Variants in RFX4 observed in about 807,000 individuals in gnomAD.
RFX4 encodes transcription factor RFX4.
In RFX4, 10 loss-of-function variants were observed where a neutral mutation model predicts 95.0. The observed-to-expected ratio is 0.11, with a 90% CI of 0.06 to 0.18. The LOEUF is 0.18. RFX4 is among the 10% of genes least tolerant of loss of function. The probability of loss-of-function intolerance (pLI) is 1.00; values close to 1 mark genes in which losing one functional copy is unlikely to be tolerated. For missense variants in RFX4, 640 were observed against 922.0 expected, an observed-to-expected ratio of 0.69 and a Z score of 3.96; for synonymous variants, 321 against 340.7, an observed-to-expected ratio of 0.94 and a Z score of 0.64.
chr12:106,711,632 T>G, intron 10 of RFX4, 121 bp downstream of exon 10: 1 of 755,372 alleles, frequency 1.3e-6, no homozygotes, highest in Non-Finnish European at 2.3e-6. Context: ...TCTATTATTT[T>G]TTAATTTCTA....
In RFX4 at chr12:106,593,154, T is replaced by C. The variant is rs543156822; in HGVS notation, c.43+9791T>C. On this transcript the variant is annotated intron_variant, in intron 1 of 17. Transcript: ENST00000392842. ...ATTGTGCCTCGGAGCAATCAATAAT[T>C]ATTAGTAGAGAGGTGAAAATGGACA... is the stretch of plus-strand genomic sequence containing the variant. Among the ~76,000 whole-genome samples the C allele has an allele frequency of 5.9e-5, 9 of 152,332 alleles. No individual in the cohort carries two copies. In the East Asian group the frequency reaches 1.7e-3, roughly 29 times the overall value.
chr12:106,717,332 T>G (rs976840871), intron 11 of RFX4, among the ~76,000 whole-genome samples: 1 of 152,226 alleles, frequency 6.6e-6, no homozygotes, highest in Non-Finnish European at 1.5e-5. Flanking sequence ...CCTCAGCTCC[T>G]TTCATGAGGG....
chr12:106,719,592 C>T lies in RFX4; in HGVS notation c.1139-368C>T, dbSNP rs141085234. Among the ~76,000 whole-genome samples the T allele has an allele frequency of 8.8e-4, 134 of 151,972 alleles. 1 individual carries two copies. Among genetic ancestry groups the T allele is most frequent in the African/African-American group, 2.9e-3 (120 of 41,424 alleles). On this transcript the variant is annotated intron_variant, in intron 11 of 17. Transcript: ENST00000392842. ...TGCAGAGGAGGGGTGATCAGTTCTG[C>T]GGGCAAGGGGCATGGAAGGTTAAAG...
chr12:106,626,765 T>C (rs1435987334), intron 2 of RFX4, among the ~76,000 whole-genome samples: 1 of 152,148 alleles, frequency 6.6e-6, no homozygotes, highest in Non-Finnish European at 1.5e-5. Context: ...ATGGGATTCT[T>C]TGGGATTCCT....
chr12:106,592,374 G>A (rs2039561036), intron 1 of RFX4, among the ~76,000 whole-genome samples: 1 of 151,982 alleles, frequency 6.6e-6, no homozygotes, highest in African/African-American at 2.4e-5. Flanking sequence ...CATTTTATAT[G>A]CCCCTGTTTG....
chr12:106,645,808 G>C (rs1409112319), intron 3 of RFX4: 1 of 822,890 alleles, frequency 1.2e-6, no homozygotes, highest in African/African-American at 1.8e-5. Flanking sequence ...TTCATAATGT[G>C]AGTTAGGTAA....
At chr12:106,725,059 A>G (rs918110208) in intron 13 of RFX4, among the ~76,000 whole-genome samples, 5 of 151,978 alleles carry the variant, frequency 3.3e-5, no homozygotes. Flanking sequence ...ACAAGAAACA[A>G]CAATGTTCTA....
intron 15 of RFX4, among the ~76,000 whole-genome samples, chr12:106,741,769 T>C (rs1013695799): frequency 6.6e-6 from 1 of 152,134 alleles, no homozygotes; most frequent in South Asian, 2.1e-4. Flanking sequence ...GGGACCGGTT[T>C]TGTGGAAGAC....
At chr12:106,708,252 C>T (rs1241352902) in intron 8 of RFX4, among the ~76,000 whole-genome samples, 1 of 151,928 alleles carries the variant, frequency 6.6e-6, no homozygotes, top group Non-Finnish European at 1.5e-5. Flanking sequence ...GAGGAAGGAT[C>T]GCTCATGGAT....
At chr12:106,686,149 A>T (rs2041639515) in intron 5 of RFX4, among the ~76,000 whole-genome samples, 1 of 152,340 alleles carries the variant, frequency 6.6e-6, no homozygotes, top group East Asian at 1.9e-4. Context: ...GCGGTGGCTC[A>T]TGCCTGTAAT....
chr12:106,710,703 C>G (rs2042177126), intron 9 of RFX4, among the ~76,000 whole-genome samples: 1 of 152,190 alleles, frequency 6.6e-6, no homozygotes, highest in Admixed American at 6.5e-5. Flanking sequence ...GGAAGCTGTT[C>G]TTCCCAGGGA....
chr12:106,599,620 A>C (rs1427284944), intron 1 of RFX4, among the ~76,000 whole-genome samples: 1 of 152,116 alleles, frequency 6.6e-6, no homozygotes, highest in African/African-American at 2.4e-5. Context: ...TGAGGAGGAG[A>C]CATAGAGCCA....
chr12:106,700,180 T>C (rs1282245971), intron 8 of RFX4, among the ~76,000 whole-genome samples: 1 of 151,854 alleles, frequency 6.6e-6, no homozygotes, highest in Non-Finnish European at 1.5e-5. Context: ...TACAGGCATG[T>C]GCCACTAAGC....
chr12:106,687,212 A>T (rs1346944351), intron 6 of RFX4, 115 bp downstream of exon 6: 8 of 774,906 alleles, frequency 1.0e-5, no homozygotes, highest in Non-Finnish European at 1.7e-5. Flanking sequence ...ACACACACAC[A>T]CACACACACA....
intron 1 of RFX4, among the ~76,000 whole-genome samples, chr12:106,587,742 T>A (rs1211816954): frequency 6.6e-6 from 1 of 152,162 alleles, no homozygotes; most frequent in East Asian, 1.9e-4. Context: ...CCACGACCCG[T>A]GGGTCGCCCA....
At chr12:106,585,860 G>C (rs566144225) in intron 1 of RFX4, 2 of 152,256 alleles carry the variant, frequency 1.3e-5, no homozygotes, top group African/African-American at 4.8e-5. Context: ...AAATCCCCGC[G>C]AAGTGCCTCG....
chr12:106,625,643 C>T (rs961294422), intron 2 of RFX4, among the ~76,000 whole-genome samples: 6 of 152,116 alleles, frequency 3.9e-5, no homozygotes, highest in Non-Finnish European at 5.9e-5. Flanking sequence ...ATGGGTAGAA[C>T]AGAAATTTCT....
At chr12:106,690,890 C>T (rs2041766666) in intron 7 of RFX4, among the ~76,000 whole-genome samples, 1 of 152,154 alleles carries the variant, frequency 6.6e-6, no homozygotes, top group African/African-American at 2.4e-5. Context: ...TAGTGGCAGT[C>T]CCCCCTTATG....
intron 1 of RFX4, among the ~76,000 whole-genome samples, chr12:106,604,119 T>G (rs2039772634): frequency 6.8e-6 from 1 of 146,076 alleles, no homozygotes; most frequent in Admixed American, 6.8e-5. Context: ...CTCTCTCTTT[T>G]TTTTTTTTTT....
Sources: gnomAD v4.1 joint callset for allele counts (sites outside exome capture counted in the v4.1 genomes callset) on GRCh38, gnomAD v4.1.1 for gene constraint, MANE v1.5 for transcripts, NCBI Gene and HGNC (gene_info 2026-07-23, HGNC 2026-07-21) for gene names.